The following ATG7 variants were observed in gnomAD, a reference collection of about 807,000 sequenced individuals.
ATG7 encodes the protein ubiquitin-like modifier-activating enzyme ATG7.
In ATG7, 70 loss-of-function variants were observed where a neutral mutation model predicts 82.4. That is an observed-to-expected ratio of 0.85 (90% CI 0.70 to 1.04). The LOEUF is 1.04. Among genes scored for constraint, ATG7 ranks in the 50% least tolerant of loss-of-function variants. The pLI is 0.00. For synonymous variants in ATG7, 287 were observed against 313.0 expected, an observed-to-expected ratio of 0.92 and a Z score of 0.88; for missense variants, 792 against 864.3, an observed-to-expected ratio of 0.92 and a Z score of 1.05.
chr3:11,487,329 C>T lies in ATG7; in HGVS notation c.2079+60403C>T, dbSNP rs1352516782. ...CAAAGCCGCCATTGTCATCCTGGCC[C>T]GTTCTCAATGAGCTGTTGGGCATAC... is the stretch of plus-strand genomic sequence containing the variant. On this transcript the variant is annotated intron_variant, in intron 20 of 20. Coordinates refer to ENST00000693202, the MANE Select transcript of ATG7 (RefSeq NM_001349232.2). Among the ~76,000 whole-genome samples the T allele has an allele frequency of 1.4e-3, 66 of 45,540 alleles. 8 individuals are homozygous for T. Among genetic ancestry groups the T allele is most frequent in the African/African-American group, 3.1e-3 (40 of 12,860 alleles). 29.9% of individuals were successfully genotyped at this position (45,540 alleles called of 152,430 possible).
At chr3:11,308,797 T>C (rs971191592) in intron 6 of ATG7, 187 bp from the exon 7 acceptor site, 4 of 612,546 alleles carry the variant, frequency 6.5e-6, no homozygotes, top group South Asian at 1.9e-5. Context: ...TTGAAGGGAG[T>C]GTGGCTGGGA....
intron 13 of ATG7, among the ~76,000 whole-genome samples, chr3:11,347,439 A>C (rs570358566): frequency 6.6e-6 from 1 of 152,314 alleles, no homozygotes; most frequent in East Asian, 1.9e-4. Flanking sequence ...TTTGTGAGTC[A>C]TTTTTTGGAG....
At chr3:11,333,938 G>A (rs937553075) in intron 11 of ATG7, among the ~76,000 whole-genome samples, 1 of 151,876 alleles carries the variant, frequency 6.6e-6, no homozygotes, top group Non-Finnish European at 1.5e-5. Flanking sequence ...TAGTAGAGAC[G>A]GGGTTTCACC....
chr3:11,406,775 G>A (rs1212242241), intron 19 of ATG7, among the ~76,000 whole-genome samples: 3 of 152,090 alleles, frequency 2.0e-5, no homozygotes, highest in African/African-American at 4.8e-5. Context: ...AAAACCATCA[G>A]ATCTCATAAG....
At chr3:11,512,767 G>T (rs2092120702) in intron 20 of ATG7, among the ~76,000 whole-genome samples, 1 of 152,208 alleles carries the variant, frequency 6.6e-6, no homozygotes, top group African/African-American at 2.4e-5. Context: ...TAGTGTGGAA[G>T]GGGACCTGAG....
In ATG7 at chr3:11,486,828, T is replaced by G. The variant is rs1310118534; in HGVS notation, c.2079+59902T>G. ...TTTTTGTCTTTGGTTCTGTTTTTTT[T>G]TTTTTTTTTTTTAATTTATTTTTTT... On this transcript the variant is annotated intron_variant, in intron 20 of 20. Transcript: ENST00000693202. Among the ~76,000 whole-genome samples the G allele has an allele frequency of 3.6e-3, 513 of 141,970 alleles. 3 individuals are homozygous for G. The highest frequency in any genetic ancestry group is 9.9e-3 in the South Asian group (40 of 4,056). 93.1% of individuals were successfully genotyped at this position (141,970 alleles called of 152,430 possible).
chr3:11,340,498 A>G (rs762566738), intron 11 of ATG7, 147 bp from the exon 12 acceptor site: 1 of 613,854 alleles, frequency 1.6e-6, no homozygotes, highest in Non-Finnish European at 2.7e-6. Context: ...TCAGGCCCTC[A>G]AGTCTCTTTT....
At chr3:11,308,775 T>C in intron 6 of ATG7, 1 of 589,766 alleles carries the variant, frequency 1.7e-6, no homozygotes, top group Non-Finnish European at 3.0e-6. Context: ...GTTCCCTCAC[T>C]TGGCTTAGAT....
intron 20 of ATG7, among the ~76,000 whole-genome samples, chr3:11,438,298 G>T (rs142583735): frequency 1.8e-3 from 271 of 152,276 alleles, no homozygotes; most frequent in African/African-American, 6.3e-3. Context: ...AATGGTGGAG[G>T]CTTTTAAGGA....
intron 19 of ATG7, among the ~76,000 whole-genome samples, chr3:11,398,195 T>C (rs1210469917): frequency 6.6e-6 from 1 of 152,168 alleles, no homozygotes; most frequent in Non-Finnish European, 1.5e-5. Context: ...TTAATAAGCA[T>C]ATTCTAGTGA....
intron 19 of ATG7, among the ~76,000 whole-genome samples, chr3:11,405,574 AT>A (rs2080247907): frequency 6.6e-6 from 1 of 152,068 alleles, no homozygotes; most frequent in Non-Finnish European, 1.5e-5. Flanking sequence ...ATCAAGCCCT[AT>A]TTGGCAATAA....
At chr3:11,430,023 TTCCTGGAG>T (rs796192480) in intron 20 of ATG7, among the ~76,000 whole-genome samples, 53 of 152,250 alleles carry the variant, frequency 3.5e-4, no homozygotes, top group African/African-American at 1.2e-3. Context: ...CTCAGTTCCT[TTCCTGGAG>T]ACAAACACTG....
chr3:11,331,383 C>A lies in ATG7; in HGVS notation c.722C>A (p.Pro241His). The change falls in exon 10 of 21, where the codon CCT becomes CAT. Residue 241 changes from proline to histidine, a missense_variant. Transcript: ENST00000693202. Reference protein sequence around the residue: ...VYDPCNLAQYPGWPLRNFLVL... With the variant: ...VYDPCNLAQYHGWPLRNFLVL... ...GATCCCTGTAACTTAGCCCAGTACC[C>A]TGGATGGCCTTTGAGGAATTTTTTG... is the stretch of plus-strand genomic sequence containing the variant. The A allele has an allele frequency of 6.2e-7, 1 of 1,613,888 alleles. No individual in the cohort carries two copies. Among genetic ancestry groups the A allele is most frequent in the Non-Finnish European group, 8.5e-7 (1 of 1,179,778 alleles).
At chr3:11,378,508 C>A (rs2077607703) in intron 18 of ATG7, among the ~76,000 whole-genome samples, 1 of 150,126 alleles carries the variant, frequency 6.7e-6, no homozygotes, top group Admixed American at 6.6e-5. Flanking sequence ...CATGGCAAAA[C>A]CCCATCTCTA....
intron 20 of ATG7, among the ~76,000 whole-genome samples, chr3:11,429,263 A>T (rs1247681823): frequency 1.3e-5 from 2 of 152,096 alleles, no homozygotes; most frequent in African/African-American, 4.8e-5. Flanking sequence ...TGGGAGGCCG[A>T]GGGGGGCAGA....
intron 3 of ATG7, among the ~76,000 whole-genome samples, chr3:11,285,141 T>C (rs1010794966): frequency 7.1e-5 from 3 of 42,176 alleles, no homozygotes; most frequent in Non-Finnish European, 1.2e-4. Context: ...TGAGCCACCT[T>C]TTTTTTTTTT....
intron 20 of ATG7, among the ~76,000 whole-genome samples, chr3:11,523,415 A>G (rs527751921): frequency 1.4e-4 from 21 of 152,248 alleles, no homozygotes; most frequent in Non-Finnish European, 1.9e-4. Context: ...AGACAGAAGA[A>G]ACAGGGAGGA....
intron 20 of ATG7, among the ~76,000 whole-genome samples, chr3:11,536,837 G>T (rs1297839007): frequency 6.6e-6 from 1 of 152,170 alleles, no homozygotes; most frequent in Non-Finnish European, 1.5e-5. Context: ...CAGCAGCTGT[G>T]TAGGGTGAAC....
rs538092878 is a variant in ATG7, at chr3:11,542,732, G to GC, written c.2080-12078dup. 1.4e-4 allele frequency among the ~76,000 whole-genome samples: 21 copies of GC among 152,276 alleles called. No homozygotes were observed. In the South Asian group the frequency reaches 4.4e-3, roughly 32 times the overall value. On this transcript the variant is annotated intron_variant, in intron 20 of 20. Coordinates refer to ENST00000693202, the MANE Select transcript of ATG7 (RefSeq NM_001349232.2). Reference sequence around the variant, plus strand: ...GACAGTCCCCTGGGCATCCTCCCGGGCACCCCCTCCCGGGCGTCAGGTCTC... The same window carrying GC: ...GACAGTCCCCTGGGCATCCTCCCGGGCCACCCCCTCCCGGGCGTCAGGTCTC...
Sources: allele counts gnomAD v4.1 joint callset (sites outside exome capture counted in the v4.1 genomes callset), GRCh38; gene constraint gnomAD v4.1.1; transcripts MANE v1.5; gene names NCBI Gene and HGNC (gene_info 2026-07-23, HGNC 2026-07-21).